The following TENM1 variants were observed in gnomAD, a reference collection of about 807,000 sequenced individuals.
TENM1 encodes teneurin transmembrane protein 1, also known as teneurin-1.
A neutral mutation model predicts 174.8 loss-of-function variants in TENM1; 35 were observed. That is an observed-to-expected ratio of 0.20 (90% CI 0.15 to 0.27). TENM1 has a LOEUF of 0.27. TENM1 is among the 10% of genes least tolerant of loss of function. TENM1 has a pLI of 1.00. For synonymous variants in TENM1, 781 were observed against 798.7 expected, an observed-to-expected ratio of 0.98 and a Z score of 0.37; for missense variants, 1,633 against 2,130.1, an observed-to-expected ratio of 0.77 and a Z score of 4.59.
At chrX:124,662,032 C>A (rs1211851458) in intron 6 of TENM1, among the ~76,000 whole-genome samples, 1 of 111,182 alleles carries the variant, frequency 9.0e-6, no homozygotes, top group Non-Finnish European at 1.9e-5. Flanking sequence ...AATTTGATGT[C>A]CCAGTTTATC....
the TENM1 span, among the ~76,000 whole-genome samples, chrX:125,111,928 G>C: frequency 1.1e-4 from 12 of 111,510 alleles, no homozygotes; most frequent in African/African-American, 3.9e-4. Flanking sequence ...ATGGATTTGA[G>C]GGGTCCCAGT....
At chrX:125,083,968 AG>A in the TENM1 span, among the ~76,000 whole-genome samples, 2 of 111,284 alleles carry the variant, frequency 1.8e-5, no homozygotes, top group Non-Finnish European at 3.8e-5. Context: ...TCAAGTTTGT[AG>A]GTGAGACCAC....
intron 5 of TENM1, among the ~76,000 whole-genome samples, chrX:124,676,633 T>C (rs773491829): frequency 9.2e-6 from 1 of 108,328 alleles, no homozygotes; most frequent in African/African-American, 3.3e-5. Flanking sequence ...AATTCCAAAT[T>C]CAATCAAGCA....
intron 3 of TENM1, among the ~76,000 whole-genome samples, chrX:124,877,108 T>C (rs1037356035): frequency 8.9e-6 from 1 of 112,129 alleles, no homozygotes; most frequent in Admixed American, 9.5e-5. Context: ...AGTTAAAAAA[T>C]TATAATTATT....
the TENM1 span, among the ~76,000 whole-genome samples, chrX:124,977,805 C>T: frequency 9.1e-6 from 1 of 110,264 alleles, no homozygotes; most frequent in African/African-American, 3.3e-5. Context: ...TATTTCATGT[C>T]CTTTTAAATT....
chrX:124,520,783 ACCT>A lies in TENM1; in HGVS notation c.3034-2_3034del. ...GGGAATGGGAATTTCCTCCTGTACA[ACCT>A]GAAATAAAAAAAAAAAAAAAAAGCC... On this transcript the variant is annotated splice_acceptor_variant and coding_sequence_variant, in exon 18 of 32. Transcript: ENST00000422452. LOFTEE classifies it high-confidence loss of function. 8.9e-7 allele frequency: 1 copy of A among 1,127,398 alleles called. No homozygotes were observed. 92.9% of individuals were successfully genotyped at this position (1,127,398 alleles called of 1,213,427 possible).
At chrX:124,581,042 A>G (rs1331892423) in intron 11 of TENM1, among the ~76,000 whole-genome samples, 1 of 107,021 alleles carries the variant, frequency 9.3e-6, no homozygotes, top group Non-Finnish European at 1.9e-5. Flanking sequence ...GTGTGGCTAC[A>G]AAGAACAATA....
At chrX:124,723,202 A>G (rs976175619) in intron 4 of TENM1, among the ~76,000 whole-genome samples, 1 of 111,915 alleles carries the variant, frequency 8.9e-6, no homozygotes, top group African/African-American at 3.3e-5. Context: ...GCTCTTACCA[A>G]TTCTTCAAAT....
At chrX:124,542,561 A>G (rs781046650) in intron 15 of TENM1, among the ~76,000 whole-genome samples, 1 of 111,621 alleles carries the variant, frequency 9.0e-6, no homozygotes, top group Non-Finnish European at 1.9e-5. Context: ...TTGATTCAGC[A>G]GGACTGTTGC....
At chrX:125,185,104 C>A in the TENM1 span, among the ~76,000 whole-genome samples, 1 of 111,495 alleles carries the variant, frequency 9.0e-6, no homozygotes, top group Non-Finnish European at 1.9e-5. Flanking sequence ...GAGGGTAGAA[C>A]GGAAGGGTAA....
intron 3 of TENM1, among the ~76,000 whole-genome samples, chrX:124,808,825 C>T (rs191921920): frequency 3.9e-4 from 43 of 111,094 alleles, no homozygotes; most frequent in African/African-American, 1.2e-3. Context: ...CTACAGCATA[C>T]GGCAAAATAA....
chrX:124,989,902 A>G, the TENM1 span, among the ~76,000 whole-genome samples: 385 of 111,960 alleles, frequency 3.4e-3, 1 homozygote, highest in Non-Finnish European at 6.6e-3. Flanking sequence ...CACTATGGCA[A>G]TAAAGCATTT....
At chrX:124,859,200 G>T (rs1346588396) in intron 3 of TENM1, among the ~76,000 whole-genome samples, 2 of 111,029 alleles carry the variant, frequency 1.8e-5, no homozygotes, top group African/African-American at 6.6e-5. Context: ...AGTATGTAGG[G>T]AAACATTTAT....
chrX:125,073,238 T>C, the TENM1 span, among the ~76,000 whole-genome samples: 1 of 111,241 alleles, frequency 9.0e-6, no homozygotes, highest in Non-Finnish European at 1.9e-5. Context: ...TAACCAAATT[T>C]CTTCAGTTTG....
In TENM1 at chrX:124,905,195, C is replaced by T. The variant is rs1177115580; in HGVS notation, c.218-8954G>A. On this transcript the variant is annotated intron_variant, in intron 1 of 31. Transcript: ENST00000422452. ...AATTAGCCAGGTGTGGTGGCATGTG[C>T]TTGTAGTCCCAGCTACTTGAGAGAC... is the stretch of plus-strand genomic sequence containing the variant. Among the ~76,000 whole-genome samples, 10 of 109,921 alleles carry T rather than the reference C, an allele frequency of 9.1e-5. 1 individual carries two copies. In the East Asian group the frequency reaches 2.9e-3, roughly 31 times the overall value.
the TENM1 span, among the ~76,000 whole-genome samples, chrX:124,978,086 T>C: frequency 2.8e-5 from 3 of 108,260 alleles, no homozygotes; most frequent in Non-Finnish European, 5.7e-5. Context: ...AGTCAGCTGA[T>C]TGTCTCTTTT....
At chrX:125,172,383 C>T in the TENM1 span, among the ~76,000 whole-genome samples, 1 of 110,628 alleles carries the variant, frequency 9.0e-6, no homozygotes, top group Non-Finnish European at 1.9e-5. Flanking sequence ...TGCCCAAGGT[C>T]CCACGGTGAA....
intron 5 of TENM1, among the ~76,000 whole-genome samples, chrX:124,678,346 A>G (rs944324858): frequency 9.0e-6 from 1 of 111,427 alleles, no homozygotes; most frequent in Non-Finnish European, 1.9e-5. Context: ...ATATATTTAC[A>G]TTTTTTAAAT....
intron 3 of TENM1, among the ~76,000 whole-genome samples, chrX:124,798,201 A>G (rs1014987993): frequency 2.7e-5 from 3 of 111,922 alleles, no homozygotes; most frequent in Non-Finnish European, 5.6e-5. Flanking sequence ...CTTGTAGTAT[A>G]TAACCCATAA....
Sources: gnomAD v4.1 joint callset for allele counts (sites outside exome capture counted in the v4.1 genomes callset) on GRCh38, gnomAD v4.1.1 for gene constraint, MANE v1.5 for transcripts, NCBI Gene and HGNC (gene_info 2026-07-23, HGNC 2026-07-21) for gene names.